CBLN2: variants seen among roughly 807,000 people sequenced by gnomAD.
CBLN2 encodes the protein cerebellin 2 precursor, also known as cerebellin-2.
A neutral mutation model predicts 15.0 loss-of-function variants in CBLN2; 7 were observed. The ratio of observed to expected loss-of-function variants is 0.47; its 90% CI spans 0.27 to 0.88. The LOEUF is 0.88. Ranked by LOEUF, CBLN2 falls within the 40% of genes least tolerant of loss-of-function variation. CBLN2 has a pLI of 0.14. For synonymous variants in CBLN2, 149 were observed against 135.2 expected, an observed-to-expected ratio of 1.10 and a Z score of -0.71; for missense variants, 242 against 304.5, an observed-to-expected ratio of 0.79 and a Z score of 1.53.
intron 1 of CBLN2, among the ~76,000 whole-genome samples, chr18:72,632,850 G>A (rs2069785921): frequency 6.6e-6 from 1 of 152,182 alleles, no homozygotes; most frequent in African/African-American, 2.4e-5. Context: ...AGCTGGTTCT[G>A]CTGTTTTGTA....
At chr18:72,615,242 TA>T (rs1163128092) in intron 1 of CBLN2, among the ~76,000 whole-genome samples, 2 of 136,294 alleles carry the variant, frequency 1.5e-5, no homozygotes, top group East Asian at 2.0e-4. Flanking sequence ...ATTATATATA[TA>T]AATATATATT....
In CBLN2 at chr18:72,543,667, G is replaced by A. The variant is rs1036964074; in HGVS notation, c.-211-137C>T. 5 of 368,620 alleles carry A rather than the reference G, an allele frequency of 1.4e-5. No individual in the cohort carries two copies. The highest frequency in any genetic ancestry group is 4.2e-5 in the African/African-American group (2 of 47,530). 22.8% of individuals were successfully genotyped at this position (368,620 alleles called of 1,614,324 possible). On this transcript the variant is annotated intron_variant, in intron 1 of 4. Coordinates refer to ENST00000269503, the MANE Select transcript of CBLN2 (RefSeq NM_182511.4). This position sits in a 1 kb window ranked among gnomAD's most constrained non-coding sequence, Gnocchi z 6.8. ...CGCCAGCCTGCGCCGCTTCAGGGGT[G>A]CACCACGCCCCGCGCGCCCGCTTAG...
chr18:72,632,030 A>G (rs2069780726), intron 1 of CBLN2, among the ~76,000 whole-genome samples: 1 of 152,152 alleles, frequency 6.6e-6, no homozygotes. Context: ...ATCCATTTCT[A>G]AGTTAGAAAC....
intron 1 of CBLN2, among the ~76,000 whole-genome samples, chr18:72,607,848 C>G (rs1286273485): frequency 6.6e-6 from 1 of 152,148 alleles, no homozygotes; most frequent in Non-Finnish European, 1.5e-5. Flanking sequence ...CACACTGTCA[C>G]TTTTATTGAG....
intron 1 of CBLN2, among the ~76,000 whole-genome samples, chr18:72,603,530 T>C (rs1194613136): frequency 1.2e-4 from 18 of 152,208 alleles, no homozygotes; most frequent in Admixed American, 1.2e-3. Flanking sequence ...AGCATTCATA[T>C]TTCATTGTTT....
chr18:72,601,048 A>G (rs1470332956), intron 1 of CBLN2, among the ~76,000 whole-genome samples: 2 of 152,208 alleles, frequency 1.3e-5, no homozygotes, highest in Non-Finnish European at 2.9e-5. Context: ...GACCTCTGTA[A>G]CTGGCTGGTT....
intron 1 of CBLN2, among the ~76,000 whole-genome samples, chr18:72,610,183 T>A (rs1485477136): frequency 6.6e-6 from 1 of 152,098 alleles, no homozygotes; most frequent in African/African-American, 2.4e-5. Flanking sequence ...GTTGTTGTTG[T>A]TTTTAGCCTG....
At chr18:72,595,613 T>A (rs2069508380) in intron 1 of CBLN2, among the ~76,000 whole-genome samples, 1 of 152,170 alleles carries the variant, frequency 6.6e-6, no homozygotes, top group African/African-American at 2.4e-5. Context: ...ATGCTGAAAG[T>A]GGAATGTTGG....
chr18:72,586,043 T>A (rs1599011388), intron 1 of CBLN2, among the ~76,000 whole-genome samples: 1 of 152,096 alleles, frequency 6.6e-6, no homozygotes, highest in Non-Finnish European at 1.5e-5. Flanking sequence ...GATACCCAGG[T>A]CTGCAGCTGC....
chr18:72,572,261 G>T (rs1403684410), intron 1 of CBLN2, among the ~76,000 whole-genome samples: 1 of 149,032 alleles, frequency 6.7e-6, no homozygotes, highest in African/African-American at 2.5e-5. Flanking sequence ...CAGAATCATT[G>T]ATTTTTTTTT....
chr18:72,538,550 C>G (rs1267385711), intron 4 of CBLN2, 103 bp downstream of exon 4: 2 of 1,521,702 alleles, frequency 1.3e-6, no homozygotes, highest in African/African-American at 1.4e-5. Context: ...CTGGACAGAC[C>G]AGTACCCTGT....
intron 1 of CBLN2, among the ~76,000 whole-genome samples, chr18:72,581,376 C>T (rs1481059436): frequency 6.6e-6 from 1 of 152,114 alleles, no homozygotes; most frequent in East Asian, 1.9e-4. Context: ...TATGATTTCT[C>T]CTTGTGTGCC....
At chr18:72,620,806 C>T (rs1413943504) in intron 1 of CBLN2, among the ~76,000 whole-genome samples, 3 of 152,074 alleles carry the variant, frequency 2.0e-5, no homozygotes, top group East Asian at 1.9e-4. Context: ...TGATATTTTG[C>T]CTTTCCAAAA....
chr18:72,629,054 A>C (rs140715332), intron 1 of CBLN2, among the ~76,000 whole-genome samples: 1,928 of 152,272 alleles, frequency 0.013, 44 homozygotes, highest in African/African-American at 0.043. Flanking sequence ...GACCAAACAA[A>C]ATGACCCCAT....
chr18:72,631,532 G>T (rs1039804707), intron 1 of CBLN2, among the ~76,000 whole-genome samples: 1 of 151,976 alleles, frequency 6.6e-6, no homozygotes, highest in South Asian at 2.1e-4. Context: ...CTGGAATTGG[G>T]TGCTTGGAAA....
chr18:72,586,401 T>C (rs562993099), intron 1 of CBLN2, among the ~76,000 whole-genome samples: 35 of 152,336 alleles, frequency 2.3e-4, no homozygotes, highest in African/African-American at 6.7e-4. Flanking sequence ...CATAAATTTC[T>C]TTACCAACAC....
chr18:72,594,271 T>G (rs1189494762), intron 1 of CBLN2, among the ~76,000 whole-genome samples: 1 of 152,118 alleles, frequency 6.6e-6, no homozygotes, highest in Admixed American at 6.6e-5. Context: ...TCCCAGAACT[T>G]AAAGTATAAT....
At chr18:72,604,890 AT>A (rs1379678579) in intron 1 of CBLN2, among the ~76,000 whole-genome samples, 2 of 152,202 alleles carry the variant, frequency 1.3e-5, no homozygotes, top group Non-Finnish European at 2.9e-5. Flanking sequence ...GGACTAAGAC[AT>A]TTTTCCTTAG....
intron 1 of CBLN2, among the ~76,000 whole-genome samples, chr18:72,617,604 T>A (rs2069670761): frequency 6.6e-6 from 1 of 152,222 alleles, no homozygotes; most frequent in African/African-American, 2.4e-5. Context: ...TTGCCTCGCA[T>A]GTTTTACATG....
Sources: gnomAD v4.1 joint callset for allele counts (sites outside exome capture counted in the v4.1 genomes callset) on GRCh38, gnomAD v4.1.1 for gene constraint, Gnocchi (gnomAD v3.1) non-coding constraint, MANE v1.5 for transcripts, NCBI Gene and HGNC (gene_info 2026-07-23, HGNC 2026-07-21) for gene names.